The following ZNF622 variants were observed in gnomAD, a reference collection of about 807,000 sequenced individuals.
ZNF622 encodes zinc finger protein 622.
In ZNF622, 34 loss-of-function variants were observed where a neutral mutation model predicts 49.7. The ratio of observed to expected loss-of-function variants is 0.68; its 90% CI spans 0.52 to 0.91. The LOEUF is 0.91. Ranked by LOEUF, ZNF622 falls within the 40% of genes least tolerant of loss-of-function variation. The pLI is 0.00. For missense variants in ZNF622, 569 were observed against 616.4 expected (o/e 0.92, Z 0.81); for synonymous variants, 209 against 228.7 (o/e 0.91, Z 0.78).
chr5:16,459,174 C>T (rs1277018795), intron 3 of ZNF622, among the ~76,000 whole-genome samples: 1 of 152,144 alleles, frequency 6.6e-6, no homozygotes, highest in Non-Finnish European at 1.5e-5. Flanking sequence ...TGCAGTTCCA[C>T]AAGAATCTCT....
At chr5:16,460,523 T>G (rs72742297) in intron 3 of ZNF622, among the ~76,000 whole-genome samples, 1 of 152,124 alleles carries the variant, frequency 6.6e-6, no homozygotes, top group East Asian at 1.9e-4. Context: ...TGTAAAGGCT[T>G]TCTATTTTCC....
In ZNF622 at chr5:16,463,060, C is replaced by T; in HGVS notation, c.1049+48G>A. The T allele has an allele frequency of 6.4e-7, 1 of 1,573,466 alleles. No homozygotes were observed. The highest frequency in any genetic ancestry group is 8.6e-7 in the Non-Finnish European group (1 of 1,162,978). On this transcript the variant is annotated intron_variant, in intron 3 of 5. Transcript: ENST00000308683. This position sits in a 1 kb window ranked among gnomAD's most constrained non-coding sequence, Gnocchi z 4.2. Reference sequence around the variant, plus strand: ...GCACTGGCACACCTAATAATCACTTCAAAGCAAATATGACCTCACTTTACT... The same window carrying T: ...GCACTGGCACACCTAATAATCACTTTAAAGCAAATATGACCTCACTTTACT...
At chr5:16,460,700 G>A (rs1738108228) in intron 3 of ZNF622, among the ~76,000 whole-genome samples, 1 of 151,814 alleles carries the variant, frequency 6.6e-6, no homozygotes, top group African/African-American at 2.4e-5. Context: ...CACCACACTT[G>A]GCTGACTTTT....
In ZNF622 at chr5:16,453,146, C is replaced by A; in HGVS notation, c.1173G>T (p.Val391=). The change falls in exon 5 of 6, where the codon GTG becomes GTT. Residue 391 remains valine (V), a synonymous_variant. Transcript: ENST00000308683. ...AGTATCTCATCAAGGAGCGATGACC[C>A]ACTCTGGCACCTGTTTTTCAAAAGA... ...MELILPSGAR[V]GHRSLMRYYK... 1 of 1,505,236 alleles carries A rather than the reference C, an allele frequency of 6.6e-7. No homozygotes were observed. The highest frequency in any genetic ancestry group is 8.9e-7 in the Non-Finnish European group (1 of 1,118,404). 93.2% of individuals were successfully genotyped at this position (1,505,236 alleles called of 1,614,324 possible).
Position 16,465,073 on chromosome 5 carries a change from C to A in ZNF622, c.593G>T (p.Ser198Ile). 6.2e-7 allele frequency: 1 copy of A among 1,605,174 alleles called. No individual in the cohort carries two copies. Among genetic ancestry groups the A allele is most frequent in the South Asian group, 1.1e-5 (1 of 90,114 alleles). ...KKLAKQQEED[S>I]EEEEEDLDGD... ...ATCCAGGTCCTCTTCCTCCTCCTCGCTGTCCTCCTCCTGCTGCTTTGCCAA... is the reference window on the plus strand; with the variant it reads ...ATCCAGGTCCTCTTCCTCCTCCTCGATGTCCTCCTCCTGCTGCTTTGCCAA... Residue 198 changes from serine (S) to isoleucine (I), a missense_variant, in exon 1 of 6, where the codon AGC (serine) becomes ATC (isoleucine). Coordinates refer to ENST00000308683, the MANE Select transcript of ZNF622 (RefSeq NM_033414.3). The surrounding 1 kb of genome is among the most constrained non-coding windows in gnomAD (Gnocchi z 6.2).
chr5:16,457,160 T>C (rs549062334), intron 4 of ZNF622, among the ~76,000 whole-genome samples: 1 of 152,356 alleles, frequency 6.6e-6, no homozygotes, highest in South Asian at 2.1e-4. Context: ...GCTCACGTTA[T>C]GCTAAGGTTT....
At chr5:16,464,597 C>G (rs1336001446) in intron 1 of ZNF622, among the ~76,000 whole-genome samples, 1 of 152,152 alleles carries the variant, frequency 6.6e-6, no homozygotes, top group East Asian at 1.9e-4. Context: ...GGTGCTGGCT[C>G]CAGCTCCAAA....
intron 3 of ZNF622, among the ~76,000 whole-genome samples, chr5:16,461,480 T>C (rs945330800): frequency 3.9e-5 from 6 of 152,330 alleles, no homozygotes; most frequent in Admixed American, 6.5e-5. Context: ...AGGCGAAAGA[T>C]GATGGTGCCC....
chr5:16,453,939 G>A (rs1196509585), intron 4 of ZNF622, among the ~76,000 whole-genome samples: 1 of 152,050 alleles, frequency 6.6e-6, no homozygotes, highest in Non-Finnish European at 1.5e-5. Flanking sequence ...CTTCCTAAAT[G>A]ATGGAAATCA....
At position 16,463,381 on chromosome 5, in the gene ZNF622, A is replaced by G; in HGVS notation, c.886+101T>C. ...TCATTCACAAAATAACCAAGCAATT[A>G]TATCAAAGATTGATGAAAAATGCAA... On this transcript the variant is annotated intron_variant, in intron 2 of 5. Coordinates refer to ENST00000308683, the MANE Select transcript of ZNF622 (RefSeq NM_033414.3). The surrounding 1 kb of genome is among the most constrained non-coding windows in gnomAD (Gnocchi z 4.2). 6.7e-7 allele frequency: 1 copy of G among 1,498,730 alleles called. No homozygotes were observed. The highest frequency in any genetic ancestry group is 1.3e-5 in the South Asian group (1 of 75,366). 92.8% of individuals were successfully genotyped at this position (1,498,730 alleles called of 1,614,324 possible).
At position 16,465,217 on chromosome 5, in the gene ZNF622, G is replaced by T. The variant is rs1250943734; in HGVS notation, c.449C>A (p.Ala150Glu). 1.2e-6 allele frequency: 2 copies of T among 1,614,172 alleles called. No homozygotes were observed. Among genetic ancestry groups the T allele is most frequent in the South Asian group, 2.2e-5 (2 of 91,088 alleles). ...PSMSPKKAPP[A>E]PAKEARNVVA... is the part of the protein sequence containing the mutation. ...GACATTCCTGGCCTCCTTTGCAGGCGCTGGGGGCGCCTTCTTGGGAGACAT... is the reference window on the plus strand; with the variant it reads ...GACATTCCTGGCCTCCTTTGCAGGCTCTGGGGGCGCCTTCTTGGGAGACAT... Residue 150 changes from alanine (A) to glutamate (E), a missense_variant, in exon 1 of 6, where the codon GCG becomes GAG. Ala to Glu is a moderately radical substitution (Grantham distance 107). Transcript: ENST00000308683. This position sits in a 1 kb window ranked among gnomAD's most constrained non-coding sequence, Gnocchi z 6.2.
At chr5:16,460,925 AG>A (rs1738111019) in intron 3 of ZNF622, among the ~76,000 whole-genome samples, 2 of 152,206 alleles carry the variant, frequency 1.3e-5, no homozygotes, top group African/African-American at 4.8e-5. Flanking sequence ...CAACAACAAA[AG>A]GCTAGGGCTT....
Position 16,463,464 on chromosome 5 carries a change from G to A in ZNF622, c.886+18C>T, listed in dbSNP as rs1416384502. ...AATGTGATTATTTCCTCATTAAAAG[G>A]AAAACTATTGTACTTACCCAAGTAT... On this transcript the variant is annotated intron_variant, in intron 2 of 5. Transcript: ENST00000308683. The surrounding 1 kb of genome is among the most constrained non-coding windows in gnomAD (Gnocchi z 4.2). The A allele has an allele frequency of 1.3e-6, 2 of 1,594,616 alleles. No homozygotes were observed. Among genetic ancestry groups the A allele is most frequent in the African/African-American group, 2.7e-5 (2 of 74,030 alleles).
intron 3 of ZNF622, among the ~76,000 whole-genome samples, chr5:16,461,741 T>G (rs1390290715): frequency 6.6e-6 from 1 of 152,148 alleles, no homozygotes; most frequent in East Asian, 1.9e-4. Flanking sequence ...ATGATTCCTT[T>G]TGGACACAAG....
chr5:16,454,509 A>AC (rs1579561985), intron 4 of ZNF622, among the ~76,000 whole-genome samples: 1 of 151,710 alleles, frequency 6.6e-6, no homozygotes, highest in East Asian at 1.9e-4. Flanking sequence ...AAAAAAAAAA[A>AC]ACTATGGGAC....
At chr5:16,461,147 A>G (rs553715151) in intron 3 of ZNF622, among the ~76,000 whole-genome samples, 1 of 152,368 alleles carries the variant, frequency 6.6e-6, no homozygotes, top group East Asian at 1.9e-4. Flanking sequence ...CTAAGCGAAT[A>G]CTATAAACAA....
At chr5:16,459,993 A>G (rs1738098180) in intron 3 of ZNF622, among the ~76,000 whole-genome samples, 2 of 152,182 alleles carry the variant, frequency 1.3e-5, no homozygotes, top group African/African-American at 4.8e-5. Context: ...TGATATCACA[A>G]GTACGGTCAT....
intron 3 of ZNF622, among the ~76,000 whole-genome samples, chr5:16,458,896 C>A (rs539923592): frequency 6.6e-6 from 1 of 152,318 alleles, no homozygotes; most frequent in African/African-American, 2.4e-5. Flanking sequence ...GGAGAATGTA[C>A]AGCTGGACAT....
chr5:16,463,868 A>T lies in ZNF622; in HGVS notation c.626-126T>A. The T allele has an allele frequency of 1.0e-6, 1 of 983,028 alleles. No individual in the cohort carries two copies. The highest frequency in any genetic ancestry group is 1.5e-6 in the Non-Finnish European group (1 of 660,892). 60.9% of individuals were successfully genotyped at this position (983,028 alleles called of 1,614,324 possible). A position where few individuals can be genotyped will look rare whatever the true frequency, so the allele number is the denominator to read the frequency against. On this transcript the variant is annotated intron_variant, in intron 1 of 5. Coordinates refer to ENST00000308683, the MANE Select transcript of ZNF622 (RefSeq NM_033414.3). This position sits in a 1 kb window ranked among gnomAD's most constrained non-coding sequence, Gnocchi z 4.2. Reference sequence around the variant, plus strand: ...CAGCCACACCCCAACTCCCAAGGACAACTCCTCTTTCAAGATCTCAATTTT... The same window carrying T: ...CAGCCACACCCCAACTCCCAAGGACTACTCCTCTTTCAAGATCTCAATTTT...
Sources: gnomAD v4.1 joint callset for allele counts (sites outside exome capture counted in the v4.1 genomes callset) on GRCh38, gnomAD v4.1.1 for gene constraint, Gnocchi (gnomAD v3.1) non-coding constraint, MANE v1.5 for transcripts, NCBI Gene and HGNC (gene_info 2026-07-23, HGNC 2026-07-21) for gene names.